NRXN3: variants seen among roughly 807,000 people sequenced by gnomAD.
NRXN3 encodes neurexin 3.
A neutral mutation model predicts 137.6 loss-of-function variants in NRXN3; 32 were observed. The observed-to-expected ratio is 0.23, with a 90% CI of 0.18 to 0.31. The LOEUF is 0.31. Ranked by LOEUF, NRXN3 falls within the 10% of genes least tolerant of loss-of-function variation. The probability of loss-of-function intolerance (pLI) is 1.00; values close to 1 mark genes in which losing one functional copy is unlikely to be tolerated. For synonymous variants in NRXN3, 798 were observed against 784.5 expected (o/e 1.02, Z -0.29); for missense variants, 1,574 against 2,062.5 (o/e 0.76, Z 4.59).
At chr14:79,724,618 C>A (rs752788164) in intron 19 of NRXN3, among the ~76,000 whole-genome samples, 1 of 152,168 alleles carries the variant, frequency 6.6e-6, no homozygotes, top group Non-Finnish European at 1.5e-5. Flanking sequence ...TCTCAGTATT[C>A]TGCCATGTAC....
intron 1 of NRXN3, among the ~76,000 whole-genome samples, chr14:78,215,134 C>T (rs975694110): frequency 6.6e-6 from 1 of 152,114 alleles, no homozygotes; most frequent in African/African-American, 2.4e-5. Context: ...AGCCTAAACC[C>T]ACTGGAGATG....
intron 4 of NRXN3, among the ~76,000 whole-genome samples, chr14:78,424,810 C>A (rs1171628982): frequency 2.0e-5 from 3 of 152,168 alleles, no homozygotes; most frequent in Non-Finnish European, 4.4e-5. Context: ...ATTCCCATAT[C>A]ATCATTATAC....
At chr14:79,672,834 T>G (rs748612346) in intron 17 of NRXN3, among the ~76,000 whole-genome samples, 1 of 152,048 alleles carries the variant, frequency 6.6e-6, no homozygotes, top group Non-Finnish European at 1.5e-5. Context: ...TGGGAAAAGT[T>G]TCCAAGTTCC....
At chr14:78,401,190 CGTCTTTCT>C (rs1466119330) in intron 4 of NRXN3, among the ~76,000 whole-genome samples, 3 of 151,704 alleles carry the variant, frequency 2.0e-5, no homozygotes, top group Non-Finnish European at 2.9e-5. Flanking sequence ...TTTGGGATGG[CGTCTTTCT>C]CTGTTGCCCA....
intron 8 of NRXN3, among the ~76,000 whole-genome samples, chr14:78,773,975 T>C (rs974975819): frequency 4.1e-4 from 63 of 152,152 alleles, no homozygotes; most frequent in Admixed American, 4.1e-3. Context: ...CTAATTTTTG[T>C]ATTTTTAGTA....
intron 16 of NRXN3, among the ~76,000 whole-genome samples, chr14:79,495,403 T>C (rs1161149711): frequency 6.6e-6 from 1 of 152,184 alleles, no homozygotes; most frequent in African/African-American, 2.4e-5. Context: ...GCAGCTGCAG[T>C]TGGGAACTCT....
intron 4 of NRXN3, among the ~76,000 whole-genome samples, chr14:78,476,860 C>A (rs2153734533): frequency 6.6e-6 from 1 of 152,326 alleles, no homozygotes; most frequent in East Asian, 1.9e-4. Flanking sequence ...TATTTGTCTG[C>A]AGATCCATTT....
intron 10 of NRXN3, among the ~76,000 whole-genome samples, chr14:78,916,470 G>A (rs1378802689): frequency 1.3e-5 from 2 of 152,148 alleles, no homozygotes; most frequent in Non-Finnish European, 2.9e-5. Context: ...AATACAAACA[G>A]CCAGCTATGG....
chr14:79,327,019 GA>G lies in NRXN3; in HGVS notation c.3263-140200del, dbSNP rs1457268616. 3.3e-5 allele frequency among the ~76,000 whole-genome samples: 5 copies of G among 152,262 alleles called. No individual in the cohort carries two copies. The East Asian group carries it at 9.7e-4, about 29-fold the overall frequency. ...TCTCTCATCTTGAGATGGAGAATTA[GA>G]AGCAAATTTGCCCTTGCTTTTCTTC... On this transcript the variant is annotated intron_variant, in intron 15 of 20. Transcript: ENST00000335750.
intron 14 of NRXN3, among the ~76,000 whole-genome samples, chr14:78,987,038 A>G (rs1194123207): frequency 2.0e-5 from 3 of 151,726 alleles, no homozygotes; most frequent in Non-Finnish European, 4.4e-5. Flanking sequence ...AAAAAAAAAA[A>G]AAAAAGAATT....
At chr14:78,686,216 C>G (rs759946362) in intron 6 of NRXN3, among the ~76,000 whole-genome samples, 3 of 152,220 alleles carry the variant, frequency 2.0e-5, no homozygotes, top group Non-Finnish European at 4.4e-5. Context: ...TTACTTTTCT[C>G]TCTGGCATGG....
At chr14:78,650,685 GAAAAA>G (rs2097732986) in intron 5 of NRXN3, among the ~76,000 whole-genome samples, 1 of 151,110 alleles carries the variant, frequency 6.6e-6, no homozygotes, top group South Asian at 2.1e-4. Flanking sequence ...TAAAAGAAAA[GAAAAA>G]AGAAAAGAAA....
Position 79,444,475 on chromosome 14 carries a change from A to G in NRXN3, c.3263-22746A>G, listed in dbSNP as rs74791725. Reference sequence around the variant, plus strand: ...TACACATTAATTAATTATCTTAATAACAGACAAAATAGAAGGAAGCCACTA... The same window carrying G: ...TACACATTAATTAATTATCTTAATAGCAGACAAAATAGAAGGAAGCCACTA... On this transcript the variant is annotated intron_variant, in intron 15 of 20. Transcript: ENST00000335750. Among the ~76,000 whole-genome samples the G allele has an allele frequency of 9.5e-3, 1,443 of 152,330 alleles. 34 individuals carry two copies. The highest frequency in any genetic ancestry group is 0.033 in the African/African-American group (1,389 of 41,574).
chr14:79,220,371 A>G (rs1014974836), intron 15 of NRXN3, among the ~76,000 whole-genome samples: 2 of 152,208 alleles, frequency 1.3e-5, no homozygotes, highest in Admixed American at 6.5e-5. Context: ...ACCTCTTCCT[A>G]TGCCATCACA....
rs10438176 is a variant in NRXN3 at position 79,555,690 on chromosome 14, A to G, written c.3444+88288A>G. 5.3e-3 allele frequency among the ~76,000 whole-genome samples: 802 copies of G among 152,274 alleles called. 8 individuals carry two copies. The highest frequency in any genetic ancestry group is 0.019 in the African/African-American group (772 of 41,560). On this transcript the variant is annotated intron_variant, in intron 16 of 20. Coordinates refer to ENST00000335750, the MANE Select transcript of NRXN3 (RefSeq NM_001330195.2). ...TGTCAGATAAGGAGATGAAACAGGCATTCCAGGAAAAGGGAATAGCAAGTT... is the reference window on the plus strand; with the variant it reads ...TGTCAGATAAGGAGATGAAACAGGCGTTCCAGGAAAAGGGAATAGCAAGTT...
At chr14:79,245,786 T>C (rs1008160725) in intron 15 of NRXN3, among the ~76,000 whole-genome samples, 4 of 152,154 alleles carry the variant, frequency 2.6e-5, no homozygotes, top group African/African-American at 9.7e-5. Flanking sequence ...CCTCCTCTAC[T>C]AGTCTGCAAG....
intron 4 of NRXN3, among the ~76,000 whole-genome samples, chr14:78,554,536 G>T (rs2096720956): frequency 6.6e-6 from 1 of 152,150 alleles, no homozygotes; most frequent in African/African-American, 2.4e-5. Context: ...CTCTGTGCAG[G>T]TTAGTGGCCC....
At chr14:78,715,965 C>G (rs1262005630) in intron 8 of NRXN3, among the ~76,000 whole-genome samples, 1 of 152,058 alleles carries the variant, frequency 6.6e-6, no homozygotes, top group Non-Finnish European at 1.5e-5. Context: ...GCAACCCTGA[C>G]AGTTGAGGAC....
At chr14:79,240,709 CT>C (rs1170262848) in intron 15 of NRXN3, among the ~76,000 whole-genome samples, 1 of 152,074 alleles carries the variant, frequency 6.6e-6, no homozygotes, top group Non-Finnish European at 1.5e-5. Context: ...ATAAAACATC[CT>C]TTTTTTCATG....
Sources: allele counts gnomAD v4.1 joint callset (sites outside exome capture counted in the v4.1 genomes callset), GRCh38; gene constraint gnomAD v4.1.1; transcripts MANE v1.5; gene names NCBI Gene and HGNC (gene_info 2026-07-23, HGNC 2026-07-21).